Variants in RUNX1 observed in about 807,000 individuals in gnomAD.
RUNX1 encodes the protein RUNX family transcription factor 1, also known as runt-related transcription factor 1.
RUNX1 carries 19 observed loss-of-function variants against 42.8 expected under a neutral mutation model. The observed-to-expected ratio is 0.44, with a 90% confidence interval of 0.31 to 0.65. The LOEUF (loss-of-function observed/expected upper bound fraction) is 0.65, where lower values mean the gene tolerates loss of function less well. Among genes scored for constraint, RUNX1 ranks in the 30% least tolerant of loss-of-function variants. The pLI is 0.07. For missense variants in RUNX1, 528 were observed against 672.0 expected (o/e 0.79, Z 2.37); for synonymous variants, 271 against 289.4 (o/e 0.94, Z 0.64).
intron 2 of RUNX1, among the ~76,000 whole-genome samples, chr21:34,918,884 G>A (rs1390837540): frequency 2.6e-5 from 4 of 152,156 alleles, no homozygotes; most frequent in Non-Finnish European, 5.9e-5. Flanking sequence ...CTAGCCTGGT[G>A]ACAGAGTGAG....
chr21:34,859,994 T>A (rs547180973), intron 5 of RUNX1, among the ~76,000 whole-genome samples: 2 of 152,360 alleles, frequency 1.3e-5, no homozygotes, highest in South Asian at 4.1e-4. Flanking sequence ...TCTTACTTTG[T>A]ACCTTTGAAG....
intron 6 of RUNX1, among the ~76,000 whole-genome samples, chr21:34,846,830 T>G (rs1052297702): frequency 2.6e-5 from 4 of 152,146 alleles, no homozygotes; most frequent in Non-Finnish European, 5.9e-5. Context: ...ATAGAACGGG[T>G]TTCTCTGAAG....
intron 2 of RUNX1, among the ~76,000 whole-genome samples, chr21:35,035,909 A>G (rs2059304166): frequency 6.6e-6 from 1 of 152,088 alleles, no homozygotes. Context: ...AACAACTCCA[A>G]CTGCTTCCAT....
chr21:34,801,083 C>G (rs895675035), intron 7 of RUNX1, among the ~76,000 whole-genome samples: 4 of 151,786 alleles, frequency 2.6e-5, no homozygotes, highest in Non-Finnish European at 4.4e-5. Context: ...TATCCCCATG[C>G]TACTGCAAGT....
At chr21:34,909,282 C>A (rs1385040542) in intron 2 of RUNX1, among the ~76,000 whole-genome samples, 2 of 152,124 alleles carry the variant, frequency 1.3e-5, no homozygotes. Flanking sequence ...ATCTCTGGAA[C>A]TGAGTATCAA....
intron 7 of RUNX1, among the ~76,000 whole-genome samples, chr21:34,817,479 A>T (rs1050240713): frequency 6.6e-6 from 1 of 152,116 alleles, no homozygotes; most frequent in African/African-American, 2.4e-5. Context: ...TTAGTGCTTA[A>T]ATAAGTTGTG....
chr21:34,902,487 A>G (rs1166243867), intron 2 of RUNX1, among the ~76,000 whole-genome samples: 1 of 152,202 alleles, frequency 6.6e-6, no homozygotes, highest in Non-Finnish European at 1.5e-5. Flanking sequence ...TATATATTAT[A>G]AAGACATAAA....
chr21:34,904,287 GAA>G (rs532242815), intron 2 of RUNX1, among the ~76,000 whole-genome samples: 1 of 152,110 alleles, frequency 6.6e-6, no homozygotes, highest in Non-Finnish European at 1.5e-5. Context: ...AAGGTAGAGA[GAA>G]AGAGTGGAAA....
intron 2 of RUNX1, among the ~76,000 whole-genome samples, chr21:35,015,752 C>T (rs1274563199): frequency 6.6e-6 from 1 of 152,202 alleles, no homozygotes; most frequent in Non-Finnish European, 1.5e-5. Flanking sequence ...CATCATCTCC[C>T]ACTAACTTCA....
chr21:34,828,149 C>T (rs1481345974), intron 7 of RUNX1, among the ~76,000 whole-genome samples: 1 of 152,212 alleles, frequency 6.6e-6, no homozygotes, highest in East Asian at 1.9e-4. Flanking sequence ...CAGGGCTGCC[C>T]AAGGCCTTGG....
intron 7 of RUNX1, among the ~76,000 whole-genome samples, chr21:34,824,416 A>C (rs890302500): frequency 6.6e-6 from 1 of 152,210 alleles, no homozygotes; most frequent in Non-Finnish European, 1.5e-5. Flanking sequence ...TGGTAACTGA[A>C]TCTCTAACAT....
chr21:34,880,792 T>G, intron 4 of RUNX1, 79 bp from the exon 5 acceptor site: 1 of 1,416,828 alleles, frequency 7.1e-7, no homozygotes, highest in Non-Finnish European at 9.9e-7. Flanking sequence ...TAGTGATTAT[T>G]CTAAAATTAA....
rs542935976 is a variant in RUNX1, at chr21:34,988,014, T to C, written c.58+60828A>G. Reference sequence around the variant, plus strand: ...AATTCATGCCACCTCTCTTTTCTCTTGCAGGATTTTGTGGGGCTCAGAGGA... The same window carrying C: ...AATTCATGCCACCTCTCTTTTCTCTCGCAGGATTTTGTGGGGCTCAGAGGA... On this transcript the variant is annotated intron_variant, in intron 2 of 8. Transcript: ENST00000675419. Among the ~76,000 whole-genome samples, 5 of 152,352 alleles carry C rather than the reference T, an allele frequency of 3.3e-5. No individual in the cohort carries two copies. The East Asian group carries it at 9.6e-4, about 29-fold the overall frequency.
At chr21:34,823,244 A>G (rs1036881637) in intron 7 of RUNX1, among the ~76,000 whole-genome samples, 1 of 152,180 alleles carries the variant, frequency 6.6e-6, no homozygotes, top group African/African-American at 2.4e-5. Context: ...TATGACATCA[A>G]CTGAAGGATC....
At chr21:34,975,928 A>T (rs1211525097) in intron 2 of RUNX1, among the ~76,000 whole-genome samples, 3 of 152,134 alleles carry the variant, frequency 2.0e-5, no homozygotes, top group Non-Finnish European at 4.4e-5. Flanking sequence ...ATGGATTGAG[A>T]CTAAATTATG....
At chr21:34,822,407 A>C (rs1233418726) in intron 7 of RUNX1, among the ~76,000 whole-genome samples, 3 of 152,226 alleles carry the variant, frequency 2.0e-5, no homozygotes, top group African/African-American at 7.2e-5. Flanking sequence ...TGAACCAGGC[A>C]ATGTCCTTGT....
chr21:34,827,002 AG>A (rs1222562163), intron 7 of RUNX1, among the ~76,000 whole-genome samples: 3 of 152,324 alleles, frequency 2.0e-5, no homozygotes, highest in Admixed American at 6.5e-5. Context: ...CCTTAGAACT[AG>A]GGGAAGTCTA....
chr21:34,850,141 C>T (rs1177790385), intron 6 of RUNX1, among the ~76,000 whole-genome samples: 1 of 152,096 alleles, frequency 6.6e-6, no homozygotes, highest in Admixed American at 6.5e-5. Flanking sequence ...TACCTGAAAG[C>T]ACAGGAGTTG....
intron 6 of RUNX1, among the ~76,000 whole-genome samples, chr21:34,849,036 G>A (rs1211524410): frequency 1.3e-5 from 2 of 150,746 alleles, no homozygotes; most frequent in Non-Finnish European, 2.9e-5. Flanking sequence ...TCAAATGTTC[G>A]ACATTTCAGT....
Sources: allele counts gnomAD v4.1 joint callset (sites outside exome capture counted in the v4.1 genomes callset), GRCh38; gene constraint gnomAD v4.1.1; transcripts MANE v1.5; gene names NCBI Gene and HGNC (gene_info 2026-07-23, HGNC 2026-07-21).